Variants in HSD17B12 observed in about 807,000 individuals in gnomAD.
The protein encoded by HSD17B12 is hydroxysteroid 17-beta dehydrogenase 12, also known as very-long-chain 3-oxoacyl-CoA reductase.
A neutral mutation model predicts 39.3 loss-of-function variants in HSD17B12; 32 were observed. The observed-to-expected ratio is 0.81, with a 90% confidence interval of 0.61 to 1.09. The LOEUF is 1.09. Among genes scored for constraint, HSD17B12 ranks in the 50% least tolerant of loss-of-function variants. The pLI is 0.00. For synonymous variants in HSD17B12, 150 were observed against 146.7 expected (o/e 1.02, Z -0.16); for missense variants, 342 against 382.9 (o/e 0.89, Z 0.89).
intron 1 of HSD17B12, among the ~76,000 whole-genome samples, chr11:43,705,855 C>T (rs889006009): frequency 6.6e-5 from 10 of 150,402 alleles, no homozygotes; most frequent in Middle Eastern, 6.8e-3. Flanking sequence ...TTCACCTCCC[C>T]GGCTCAAATA....
intron 3 of HSD17B12, among the ~76,000 whole-genome samples, chr11:43,792,132 A>G (rs1368211714): frequency 2.6e-5 from 4 of 152,212 alleles, no homozygotes; most frequent in Non-Finnish European, 5.9e-5. Flanking sequence ...TCTCACCCCA[A>G]GGGATAGTAG....
At chr11:43,563,679 A>T in the HSD17B12 span, among the ~76,000 whole-genome samples, 2 of 152,090 alleles carry the variant, frequency 1.3e-5, no homozygotes, top group Non-Finnish European at 2.9e-5. Context: ...TTAGCCAGGC[A>T]TGGTGGTACA....
chr11:43,578,640 C>A, the HSD17B12 span, among the ~76,000 whole-genome samples: 1 of 152,118 alleles, frequency 6.6e-6, no homozygotes, highest in African/African-American at 2.4e-5. Context: ...CCCTCTCAGC[C>A]CTGCAAGTTG....
At chr11:43,758,462 C>A (rs944714667) in intron 3 of HSD17B12, among the ~76,000 whole-genome samples, 1 of 152,186 alleles carries the variant, frequency 6.6e-6, no homozygotes, top group African/African-American at 2.4e-5. Context: ...CTCAGGGTCA[C>A]ACTTTTTCTC....
chr11:43,664,590 G>A, the HSD17B12 span, among the ~76,000 whole-genome samples: 11 of 152,196 alleles, frequency 7.2e-5, no homozygotes, highest in East Asian at 2.1e-3. Context: ...AACTTCCATG[G>A]CTATTGTTCT....
the HSD17B12 span, among the ~76,000 whole-genome samples, chr11:43,674,961 A>G: frequency 2.4e-3 from 367 of 152,292 alleles, 1 homozygote; most frequent in African/African-American, 8.1e-3. Flanking sequence ...TTTTTATCAT[A>G]TAATTAGTTG....
At chr11:43,588,146 CT>C in the HSD17B12 span, among the ~76,000 whole-genome samples, 13 of 152,190 alleles carry the variant, frequency 8.5e-5, no homozygotes, top group Admixed American at 8.5e-4. Flanking sequence ...AAGGCCAGAA[CT>C]TTTTCATTTA....
At chr11:43,641,804 A>G in the HSD17B12 span, among the ~76,000 whole-genome samples, 1 of 151,976 alleles carries the variant, frequency 6.6e-6, no homozygotes, top group Non-Finnish European at 1.5e-5. Context: ...TAAAATACAT[A>G]CATGAAAATC....
In HSD17B12 at chr11:43,757,649, A is replaced by AC. The variant is rs1244842123; in HGVS notation, c.283+3528_283+3529insC. Among the ~76,000 whole-genome samples, 229 of 141,544 alleles carry AC rather than the reference A, an allele frequency of 1.6e-3. 7 individuals are homozygous for AC. Among genetic ancestry groups the AC allele is most frequent in the Non-Finnish European group, 1.9e-3 (121 of 65,218 alleles). 92.9% of individuals were successfully genotyped at this position (141,544 alleles called of 152,430 possible). ...AGCGAGACTCCGTCTCAAAAAAAAA[A>AC]AAAAAAAAAAAAAAAAAACAAATAG... On this transcript the variant is annotated intron_variant, in intron 3 of 10. Coordinates refer to ENST00000278353, the MANE Select transcript of HSD17B12 (RefSeq NM_016142.3).
chr11:43,619,217 TATATATATATGATATATATATATATAAA>T, the HSD17B12 span, among the ~76,000 whole-genome samples: 3,714 of 47,620 alleles, frequency 0.078, 102 homozygotes, highest in Admixed American at 0.098. Context: ...ATATATAAAA[TATATATATATGATATATATATATATAAA>T]ATATATATAT....
At chr11:43,594,497 A>C in the HSD17B12 span, among the ~76,000 whole-genome samples, 15 of 151,674 alleles carry the variant, frequency 9.9e-5, no homozygotes, top group Non-Finnish European at 1.8e-4. Context: ...TTTGCTCAAA[A>C]TTTTATGAAC....
intron 3 of HSD17B12, among the ~76,000 whole-genome samples, chr11:43,776,697 C>T (rs553735228): frequency 3.2e-4 from 48 of 152,196 alleles, no homozygotes; most frequent in East Asian, 7.7e-4. Context: ...ATGTCCTGAA[C>T]GGTAATGCCT....
the HSD17B12 span, among the ~76,000 whole-genome samples, chr11:43,624,890 T>TA: frequency 1.3e-5 from 2 of 151,928 alleles, no homozygotes; most frequent in South Asian, 4.1e-4. Context: ...TCATATGTCC[T>TA]AACAGAAAAT....
In HSD17B12 at chr11:43,685,199, G is replaced by T. The variant is rs192712484; in HGVS notation, c.160+4212G>T. ...TCGTTTGGCTTTGCAGTATTCCAAGGTTCTCCTAATTCAGTAGATAGTGAG... is the reference window on the plus strand; with the variant it reads ...TCGTTTGGCTTTGCAGTATTCCAAGTTTCTCCTAATTCAGTAGATAGTGAG... On this transcript the variant is annotated intron_variant, in intron 1 of 10. Transcript: ENST00000278353. Among the ~76,000 whole-genome samples, 30 of 152,258 alleles carry T rather than the reference G, an allele frequency of 2.0e-4. No homozygotes were observed. In the East Asian group the frequency reaches 5.6e-3, roughly 28 times the overall value.
intron 1 of HSD17B12, among the ~76,000 whole-genome samples, chr11:43,749,628 C>G (rs1267041047): frequency 1.3e-5 from 2 of 149,452 alleles, no homozygotes; most frequent in Non-Finnish European, 3.0e-5. Context: ...GATATTTCAA[C>G]TTTTTTTTTC....
At chr11:43,783,357 GC>G (rs1236491621) in intron 3 of HSD17B12, among the ~76,000 whole-genome samples, 1 of 149,906 alleles carries the variant, frequency 6.7e-6, no homozygotes, top group Non-Finnish European at 1.5e-5. Flanking sequence ...TAGTCTCAGA[GC>G]CCTTTTTACT....
the HSD17B12 span, among the ~76,000 whole-genome samples, chr11:43,572,107 T>C: frequency 7.9e-5 from 12 of 152,310 alleles, no homozygotes; most frequent in Non-Finnish European, 1.3e-4. Context: ...GAGTTCCTAA[T>C]TCTTCCCTGG....
chr11:43,721,061 A>G (rs529797701), intron 1 of HSD17B12, among the ~76,000 whole-genome samples: 102 of 151,844 alleles, frequency 6.7e-4, no homozygotes, highest in African/African-American at 2.3e-3. Context: ...TTACTAATTT[A>G]TATGTTAGTT....
At chr11:43,791,919 G>T (rs941522500) in intron 3 of HSD17B12, among the ~76,000 whole-genome samples, 2 of 152,130 alleles carry the variant, frequency 1.3e-5, no homozygotes, top group Admixed American at 1.3e-4. Context: ...TTGGAAAATG[G>T]GTCTCTTCAT....
Sources: allele counts gnomAD v4.1 joint callset (sites outside exome capture counted in the v4.1 genomes callset), GRCh38; gene constraint gnomAD v4.1.1; transcripts MANE v1.5; gene names NCBI Gene and HGNC (gene_info 2026-07-23, HGNC 2026-07-21).